The following ALDH1A2 variants were observed in gnomAD, a reference collection of about 807,000 sequenced individuals.
ALDH1A2 encodes the protein aldehyde dehydrogenase 1 family member A2.
Under a neutral mutation model 60.3 loss-of-function variants are expected in ALDH1A2, and 27 were observed. The observed-to-expected ratio is 0.45, with a 90% CI of 0.33 to 0.62. The LOEUF (loss-of-function observed/expected upper bound fraction) is 0.62. Among genes scored for constraint, ALDH1A2 ranks in the 20% least tolerant of loss-of-function variants. The pLI is 0.02. For missense variants in ALDH1A2, 581 were observed against 643.8 expected (o/e 0.90, Z 1.06); for synonymous variants, 289 against 232.4 (o/e 1.24, Z -2.21).
At chr15:58,047,528 T>C (rs1896665485) in intron 1 of ALDH1A2, among the ~76,000 whole-genome samples, 1 of 151,996 alleles carries the variant, frequency 6.6e-6, no homozygotes. Context: ...GCGCTATCAT[T>C]TACCTATAAA....
chr15:58,042,490 G>A (rs1896542331), intron 1 of ALDH1A2, among the ~76,000 whole-genome samples: 1 of 151,916 alleles, frequency 6.6e-6, no homozygotes, highest in African/African-American at 2.4e-5. Flanking sequence ...TAAGAAGCAA[G>A]TATGAATTAA....
chr15:58,022,575 AGGT>A (rs1895959197), intron 1 of ALDH1A2, among the ~76,000 whole-genome samples: 1 of 152,118 alleles, frequency 6.6e-6, no homozygotes, highest in Non-Finnish European at 1.5e-5. Context: ...GCTCCAACAC[AGGT>A]GCCAGGGTAT....
At chr15:58,016,931 A>T (rs1279315873) in intron 1 of ALDH1A2, among the ~76,000 whole-genome samples, 1 of 152,162 alleles carries the variant, frequency 6.6e-6, no homozygotes, top group Non-Finnish European at 1.5e-5. Context: ...AAGAATTTGG[A>T]ATTCTTAATT....
intron 1 of ALDH1A2, among the ~76,000 whole-genome samples, chr15:58,043,686 G>T (rs1461212069): frequency 6.6e-6 from 1 of 151,894 alleles, no homozygotes; most frequent in Non-Finnish European, 1.5e-5. Flanking sequence ...TTAAACCTAT[G>T]CCAAGTCATC....
chr15:58,022,141 A>T (rs1235527576), intron 1 of ALDH1A2, among the ~76,000 whole-genome samples: 2 of 152,060 alleles, frequency 1.3e-5, no homozygotes, highest in African/African-American at 4.8e-5. Context: ...CATCACAGCT[A>T]GTGCCTCCTC....
At chr15:57,994,103 A>G (rs1277239783) in intron 5 of ALDH1A2, among the ~76,000 whole-genome samples, 2 of 152,208 alleles carry the variant, frequency 1.3e-5, no homozygotes, top group Admixed American at 6.5e-5. Context: ...TGCAGCGTTG[A>G]GAGTCTGGGC....
chr15:58,061,595 CA>C (rs879500544), intron 1 of ALDH1A2, among the ~76,000 whole-genome samples: 600 of 43,314 alleles, frequency 0.014, 6 homozygotes, highest in Middle Eastern at 0.029. Context: ...CTCCTTCCCT[CA>C]AAAAAAAAAA....
chr15:57,963,793 A>G, intron 9 of ALDH1A2, 92 bp downstream of exon 9: 2 of 1,357,070 alleles, frequency 1.5e-6, no homozygotes, highest in South Asian at 2.5e-5. Context: ...CCGAAAAGGA[A>G]GATGTCGCTT....
chr15:57,960,329 A>G (rs1286937775), intron 12 of ALDH1A2, among the ~76,000 whole-genome samples: 2 of 152,192 alleles, frequency 1.3e-5, no homozygotes, highest in Non-Finnish European at 2.9e-5. Context: ...ACGGGCATGA[A>G]ACATGTTTCC....
intron 1 of ALDH1A2, among the ~76,000 whole-genome samples, chr15:58,037,440 T>A (rs931277994): frequency 2.0e-5 from 3 of 151,628 alleles, no homozygotes; most frequent in Non-Finnish European, 4.4e-5. Flanking sequence ...GTGGAACTCA[T>A]CTCCCATGAA....
intron 7 of ALDH1A2, chr15:57,990,577 A>G (rs1219265837): frequency 6.6e-6 from 1 of 152,192 alleles, no homozygotes; most frequent in Non-Finnish European, 1.5e-5. Context: ...TTTTTAATTT[A>G]AAAAGTTACA....
chr15:58,014,189 T>C lies in ALDH1A2; in HGVS notation c.210A>G (p.Gln70=). ...ACAAAAGACATACCTTGTCTGCTTC[T>C]TGAACTTCACACACCTGTTCTCCTG... ...PATGEQVCEV[Q]EADKADIDKA... The change falls in exon 2 of 13, where the codon CAA becomes CAG. Residue 70 remains glutamine (Q), a synonymous_variant. Transcript: ENST00000249750. The C allele has an allele frequency of 1.2e-6, 2 of 1,614,152 alleles. No individual in the cohort carries two copies. The highest frequency in any genetic ancestry group is 1.7e-6 in the Non-Finnish European group (2 of 1,179,982).
chr15:58,003,400 A>G (rs1273798335), intron 4 of ALDH1A2, among the ~76,000 whole-genome samples: 1 of 151,918 alleles, frequency 6.6e-6, no homozygotes, highest in Admixed American at 6.6e-5. Flanking sequence ...GCAAAATCTT[A>G]GGATCTGAAT....
chr15:58,047,239 TG>T (rs1337339825), intron 1 of ALDH1A2, among the ~76,000 whole-genome samples: 2 of 152,044 alleles, frequency 1.3e-5, no homozygotes, highest in African/African-American at 4.8e-5. Flanking sequence ...TAAAACGTTT[TG>T]TTTTTTTAAT....
At chr15:58,003,874 C>G (rs185556593) in intron 4 of ALDH1A2, among the ~76,000 whole-genome samples, 2 of 151,966 alleles carry the variant, frequency 1.3e-5, no homozygotes, top group East Asian at 3.9e-4. Context: ...GCACTGCCAT[C>G]GTAAAAGGGT....
At chr15:57,999,803 G>A (rs1226742040) in intron 4 of ALDH1A2, among the ~76,000 whole-genome samples, 7 of 151,936 alleles carry the variant, frequency 4.6e-5, no homozygotes, top group Non-Finnish European at 1.5e-5. Flanking sequence ...GCAAAGACGT[G>A]GAATCAACCC....
At chr15:57,972,370 C>G (rs1203699194) in intron 7 of ALDH1A2, among the ~76,000 whole-genome samples, 2 of 152,216 alleles carry the variant, frequency 1.3e-5, no homozygotes, top group African/African-American at 4.8e-5. Context: ...GCCTTGTACA[C>G]TTAGCCATCC....
intron 1 of ALDH1A2, among the ~76,000 whole-genome samples, chr15:58,050,013 G>C (rs963037425): frequency 2.0e-5 from 3 of 151,988 alleles, no homozygotes; most frequent in Admixed American, 1.3e-4. Context: ...TCTTGAGGGG[G>C]AAGGGGGCTG....
At chr15:58,023,493 T>C (rs1355258181) in intron 1 of ALDH1A2, among the ~76,000 whole-genome samples, 1 of 152,162 alleles carries the variant, frequency 6.6e-6, no homozygotes, top group Non-Finnish European at 1.5e-5. Flanking sequence ...ACATAGCATA[T>C]TGTTATCAGA....
Sources: gnomAD v4.1 joint callset for allele counts (sites outside exome capture counted in the v4.1 genomes callset) on GRCh38, gnomAD v4.1.1 for gene constraint, MANE v1.5 for transcripts, NCBI Gene and HGNC (gene_info 2026-07-23, HGNC 2026-07-21) for gene names.